ITPR3: variants seen among roughly 807,000 people sequenced by gnomAD.
ITPR3 encodes inositol 1,4,5-trisphosphate receptor type 3.
A neutral mutation model predicts 293.2 loss-of-function variants in ITPR3; 173 were observed. That is an observed-to-expected ratio of 0.59 (90% CI 0.52 to 0.67). The LOEUF (loss-of-function observed/expected upper bound fraction) is 0.67. Among genes scored for constraint, ITPR3 ranks in the 30% least tolerant of loss-of-function variants. The pLI is 0.00. For synonymous variants in ITPR3, 1,295 were observed against 1,444.4 expected (o/e 0.90, Z 2.35); for missense variants, 2,796 against 3,592.1 (o/e 0.78, Z 5.66).
Position 33,673,740 on chromosome 6 carries a change from T to A in ITPR3, c.3058+20T>A. ...CTACCAGTAAGCCCCTGCCCTGCCT[T>A]CAGGCTGAGGCTGTGCGACTCTCCC... On this transcript the variant is annotated intron_variant, in intron 23 of 57. Transcript: ENST00000605930. The A allele has an allele frequency of 6.2e-7, 1 of 1,612,978 alleles. No individual in the cohort carries two copies. The highest frequency in any genetic ancestry group is 8.5e-7 in the Non-Finnish European group (1 of 1,179,478).
At position 33,675,879 on chromosome 6, in the gene ITPR3, G is replaced by A. The variant is rs1420177397; in HGVS notation, c.3282+23G>A. ...CAGGTGACGGGACTACCTGGCCCTGGCCCTGAGCATGAGGCCTGCACCAGG... is the reference window on the plus strand; with the variant it reads ...CAGGTGACGGGACTACCTGGCCCTGACCCTGAGCATGAGGCCTGCACCAGG... On this transcript the variant is annotated intron_variant, in intron 25 of 57. Coordinates refer to ENST00000605930, the MANE Select transcript of ITPR3 (RefSeq NM_002224.4). This position sits in a 1 kb window ranked among gnomAD's most constrained non-coding sequence, Gnocchi z 5.0. 2 of 1,542,000 alleles carry A rather than the reference G, an allele frequency of 1.3e-6. No individual in the cohort carries two copies. The highest frequency in any genetic ancestry group is 4.0e-5 in the Admixed American group (2 of 50,176).
Position 33,682,882 on chromosome 6 carries a change from A to G in ITPR3, c.4597+238A>G, listed in dbSNP as rs919014682. On this transcript the variant is annotated intron_variant, in intron 34 of 57. Coordinates refer to ENST00000605930, the MANE Select transcript of ITPR3 (RefSeq NM_002224.4). The surrounding 1 kb of genome is among the most constrained non-coding windows in gnomAD (Gnocchi z 5.4). ...GCCGACATTCTCCAGCTAGTTTTTT[A>G]TGGGTATTTGCAGATGGGCTCAGGC... Among the ~76,000 whole-genome samples the G allele has an allele frequency of 1.3e-5, 2 of 151,938 alleles. No individual in the cohort carries two copies. The highest frequency in any genetic ancestry group is 2.4e-5 in the African/African-American group (1 of 41,342).
rs371697389 is a variant in ITPR3 at position 33,688,126 on chromosome 6, G to A, written c.6334G>A (p.Asp2112Asn). The A allele has an allele frequency of 1.9e-5, 30 of 1,614,016 alleles. No homozygotes were observed. The African/African-American group carries it at 3.6e-4, about 19-fold the overall frequency. ...AGCGCCAGCACAGGAGGAGGAGGAAGACCCCCTGGCCTACTATGAGAACCA... is the reference window on the plus strand; with the variant it reads ...AGCGCCAGCACAGGAGGAGGAGGAAAACCCCCTGGCCTACTATGAGAACCA... ...SSAPAQEEEE[D>N]PLAYYENHTS... The change falls in exon 47 of 58, where the codon GAC becomes AAC. Residue 2112 changes from aspartate to asparagine, a missense_variant. Transcript: ENST00000605930.
intron 49 of ITPR3, 59 bp downstream of exon 49, chr6:33,688,840 T>C (rs1765311836): frequency 1.2e-6 from 2 of 1,611,718 alleles, no homozygotes; most frequent in Non-Finnish European, 1.7e-6. Flanking sequence ...CCTCCCTGGG[T>C]TGGGGCAGAG....
chr6:33,639,970 C>T (rs530773830), intron 1 of ITPR3, among the ~76,000 whole-genome samples: 2 of 152,214 alleles, frequency 1.3e-5, no homozygotes, highest in East Asian at 1.9e-4. Context: ...AGACTCATGC[C>T]GCTAGTTTGG....
In ITPR3 at chr6:33,665,225, T is replaced by C. The variant is rs774221044; in HGVS notation, c.1409+12T>C. ...CAGAATGACCGCAGGTGGGCTGCAGTGGCACAGGGGTTTTCTGAGTGATCT... is the reference window on the plus strand; with the variant it reads ...CAGAATGACCGCAGGTGGGCTGCAGCGGCACAGGGGTTTTCTGAGTGATCT... On this transcript the variant is annotated intron_variant, in intron 13 of 57. Transcript: ENST00000605930. The C allele has an allele frequency of 6.2e-7, 1 of 1,610,532 alleles. No individual in the cohort carries two copies.
chr6:33,644,950 CA>C (rs1322510173), intron 2 of ITPR3, among the ~76,000 whole-genome samples: 1 of 151,474 alleles, frequency 6.6e-6, no homozygotes, highest in Non-Finnish European at 1.5e-5. Flanking sequence ...AGGTATGAGC[CA>C]CTGCACCTGG....
rs1764544583 is a variant in ITPR3 at position 33,663,958 on chromosome 6, C to T, written c.1148+78C>T. The T allele has an allele frequency of 4.5e-6, 7 of 1,549,222 alleles. No individual in the cohort carries two copies. In the South Asian group the frequency reaches 4.7e-5, roughly 10 times the overall value. ...CTCCTGTCTCTGGGACTCTCTGGAT[C>T]CCCCACTCCTCCGCCCTCCTGCGGT... On this transcript the variant is annotated intron_variant, in intron 11 of 57. Transcript: ENST00000605930.
chr6:33,673,449 C>A, intron 22 of ITPR3, 142 bp from the exon 23 acceptor site: 3 of 1,033,078 alleles, frequency 2.9e-6, no homozygotes, highest in Non-Finnish European at 2.8e-6. Context: ...TCCCAAATGA[C>A]TGTGCTGAGG....
In ITPR3 at chr6:33,677,647, C is replaced by T. The variant is rs1406300872; in HGVS notation, c.3648+18C>T. 71 of 1,611,632 alleles carry T rather than the reference C, an allele frequency of 4.4e-5. No homozygotes were observed. In the South Asian group the frequency reaches 6.1e-4, roughly 14 times the overall value. ...ATGACAAGGTGGCTCTGACTTCTGA[C>T]CTCTGACTCCCCAGGGTGGCTTCCC... is the stretch of plus-strand genomic sequence containing the variant. On this transcript the variant is annotated intron_variant, in intron 28 of 57. Transcript: ENST00000605930.
At position 33,692,452 on chromosome 6, in the gene ITPR3, C is replaced by T. The variant is rs1481367611; in HGVS notation, c.7459-276C>T. Among the ~76,000 whole-genome samples the T allele has an allele frequency of 6.6e-6, 1 of 152,114 alleles. No individual in the cohort carries two copies. Among genetic ancestry groups the T allele is most frequent in the African/African-American group, 2.4e-5 (1 of 41,430 alleles). On this transcript the variant is annotated intron_variant, in intron 54 of 57. Transcript: ENST00000605930. This position sits in a 1 kb window ranked among gnomAD's most constrained non-coding sequence, Gnocchi z 4.2. ...AGACACACCGAGACTCGTAGCCCTA[C>T]CTCCCCGCCAGACTCCTTCTGCAGG...
intron 2 of ITPR3, among the ~76,000 whole-genome samples, chr6:33,646,682 C>G (rs1363634697): frequency 6.6e-6 from 1 of 152,048 alleles, no homozygotes; most frequent in Non-Finnish European, 1.5e-5. Context: ...GTTTGGGACA[C>G]CCAGGTAGGT....
At chr6:33,653,395 G>A (rs1382643432) in intron 2 of ITPR3, among the ~76,000 whole-genome samples, 3 of 151,614 alleles carry the variant, frequency 2.0e-5, no homozygotes, top group East Asian at 1.9e-4. Context: ...AATTACAGGC[G>A]TGAGCCACTG....
In ITPR3 at chr6:33,666,677, C is replaced by T. The variant is rs1489383869; in HGVS notation, c.1552-452C>T. Among the ~76,000 whole-genome samples the T allele has an allele frequency of 1.3e-5, 2 of 151,268 alleles. No homozygotes were observed. Among genetic ancestry groups the T allele is most frequent in the Non-Finnish European group, 2.9e-5 (2 of 67,926 alleles). ...CATTCTGTTGCTCTGTCACTTTGGT[C>T]TCTGTTTCAGAACAATTTTTCACCT... On this transcript the variant is annotated intron_variant, in intron 14 of 57. Coordinates refer to ENST00000605930, the MANE Select transcript of ITPR3 (RefSeq NM_002224.4). This position sits in a 1 kb window ranked among gnomAD's most constrained non-coding sequence, Gnocchi z 5.1.
intron 1 of ITPR3, among the ~76,000 whole-genome samples, chr6:33,626,688 T>C (rs1476828180): frequency 6.6e-6 from 1 of 152,248 alleles, no homozygotes; most frequent in Non-Finnish European, 1.5e-5. Context: ...CTTGTTCCGT[T>C]CTGTGCAGTG....
Position 33,687,678 on chromosome 6 carries a change from G to C in ITPR3, c.6264+114G>C. 1.2e-6 allele frequency: 1 copy of C among 842,098 alleles called. No individual in the cohort carries two copies. The highest frequency in any genetic ancestry group is 1.9e-6 in the Non-Finnish European group (1 of 528,356). 52.2% of individuals were successfully genotyped at this position (842,098 alleles called of 1,614,324 possible). A position where few individuals can be genotyped will look rare whatever the true frequency, so the allele number is the denominator to read the frequency against. ...AGGCCCTAGAATATGAGCCAGGCTA[G>C]AATTTGGGGGTACAGCTCAGGGGGC... On this transcript the variant is annotated intron_variant, in intron 46 of 57. Coordinates refer to ENST00000605930, the MANE Select transcript of ITPR3 (RefSeq NM_002224.4). The surrounding 1 kb of genome is among the most constrained non-coding windows in gnomAD (Gnocchi z 5.3).
At chr6:33,635,120 A>G (rs116758471) in intron 1 of ITPR3, among the ~76,000 whole-genome samples, 2,485 of 152,226 alleles carry the variant, frequency 0.016, 27 homozygotes, top group Middle Eastern at 0.027. Context: ...AGAGACAACC[A>G]GCTAATCTGA....
chr6:33,695,043 G>A lies in ITPR3; in HGVS notation c.7905G>A (p.Leu2635=), dbSNP rs376705494. The A allele has an allele frequency of 3.1e-6, 5 of 1,613,940 alleles. No individual in the cohort carries two copies. The African/African-American group carries it at 5.3e-5, about 17-fold the overall frequency. The change falls in exon 57 of 58, where the codon CTG becomes CTA. Residue 2635 remains leucine (L), a synonymous_variant. Coordinates refer to ENST00000605930, the MANE Select transcript of ITPR3 (RefSeq NM_002224.4). ...ACAAGCTCAACTCCACCATGAAGCT[G>A]GTGTCCCACCTCACTGCCCAGCTCA... The part of the protein sequence containing the change: ...LQDKLNSTMK[L]VSHLTAQLNE...
intron 2 of ITPR3, among the ~76,000 whole-genome samples, chr6:33,641,419 C>T (rs1052962362): frequency 2.2e-4 from 33 of 152,100 alleles, no homozygotes; most frequent in African/African-American, 7.5e-4. Flanking sequence ...GGAAGGGGAG[C>T]GGGATTTAAG....
Sources: allele counts gnomAD v4.1 joint callset (sites outside exome capture counted in the v4.1 genomes callset), GRCh38; gene constraint gnomAD v4.1.1; non-coding constraint Gnocchi (gnomAD v3.1); transcripts MANE v1.5; gene names NCBI Gene and HGNC (gene_info 2026-07-23, HGNC 2026-07-21).